Variants in BMPR1B observed in about 807,000 individuals in gnomAD.
BMPR1B encodes the protein bone morphogenetic protein receptor type 1B.
In BMPR1B, 12 loss-of-function variants were observed where a neutral mutation model predicts 59.1. The ratio of observed to expected loss-of-function variants is 0.20; its 90% CI spans 0.13 to 0.33. The LOEUF is 0.33. Ranked by LOEUF, BMPR1B falls within the 10% of genes least tolerant of loss-of-function variation. The pLI is 1.00. For missense variants in BMPR1B, 550 were observed against 610.9 expected (o/e 0.90, Z 1.05); for synonymous variants, 237 against 207.3 (o/e 1.14, Z -1.23).
intron 6 of BMPR1B, 140 bp downstream of exon 6, chr4:95,115,927 C>A: frequency 2.6e-6 from 2 of 758,292 alleles, no homozygotes; most frequent in South Asian, 1.5e-5. Context: ...TGACATGGAA[C>A]CATCATTCGA....
chr4:95,055,203 C>G, intron 3 of BMPR1B, among the ~76,000 whole-genome samples: 1 of 152,122 alleles, frequency 6.6e-6, no homozygotes, highest in Non-Finnish European at 1.5e-5. Context: ...CGTTGCCAGG[C>G]CATATTCCAT....
rs1214921500 is a variant in BMPR1B at position 95,125,094 on chromosome 4, A to G, written c.558A>G (p.Ser186=). The G allele has an allele frequency of 2.5e-6, 4 of 1,613,756 alleles. No individual in the cohort carries two copies. The highest frequency in any genetic ancestry group is 3.4e-6 in the Non-Finnish European group (4 of 1,179,836). The stretch of plus-strand genomic sequence containing the variant: ...ACTTAATTGAGCAGTCTCAGAGCTC[A>G]GGAAGTGGATCAGGCCTCCCTCTGC... The part of the protein sequence containing the change: ...LRDLIEQSQS[S]GSGSGLPLLV... The change falls in exon 8 of 13, where the codon TCA becomes TCG. Residue 186 remains serine, a synonymous_variant. Coordinates refer to ENST00000515059, the MANE Select transcript of BMPR1B (RefSeq NM_001203.3).
At chr4:94,957,650 ATCAT>A (rs1444895696) in intron 2 of BMPR1B, among the ~76,000 whole-genome samples, 2 of 151,956 alleles carry the variant, frequency 1.3e-5, no homozygotes, top group East Asian at 1.9e-4. Context: ...TGGTCTTGTG[ATCAT>A]TCATTTTTAT....
chr4:95,006,871 A>C (rs572879977), intron 3 of BMPR1B, among the ~76,000 whole-genome samples: 1 of 152,010 alleles, frequency 6.6e-6, no homozygotes, highest in African/African-American at 2.4e-5. Context: ...TTACAGTATA[A>C]TATATGACTC....
intron 3 of BMPR1B, among the ~76,000 whole-genome samples, chr4:95,041,993 A>G (rs1473248767): frequency 6.6e-6 from 1 of 152,022 alleles, no homozygotes; most frequent in Non-Finnish European, 1.5e-5. Context: ...AGTAGCTGGG[A>G]CCATAGGCGC....
At chr4:95,061,202 CACACACACCA>C (rs1360500503) in intron 3 of BMPR1B, among the ~76,000 whole-genome samples, 33 of 112,996 alleles carry the variant, frequency 2.9e-4, no homozygotes, top group Admixed American at 6.1e-4. Flanking sequence ...CACACACACA[CACACACACCA>C]CACACCCCTC....
chr4:94,804,554 A>G (rs936487674), intron 1 of BMPR1B, among the ~76,000 whole-genome samples: 2 of 148,100 alleles, frequency 1.4e-5, no homozygotes, highest in Admixed American at 1.3e-4. Context: ...TCAGACAGAT[A>G]TTTGAATAAC....
At chr4:94,831,285 GA>G (rs1724578717) in intron 1 of BMPR1B, among the ~76,000 whole-genome samples, 1 of 123,166 alleles carries the variant, frequency 8.1e-6, no homozygotes, top group Non-Finnish European at 1.8e-5. Flanking sequence ...AGGATATAAT[GA>G]AAAAATATTT....
intron 3 of BMPR1B, among the ~76,000 whole-genome samples, chr4:95,039,857 A>G (rs1253156801): frequency 6.6e-6 from 1 of 152,218 alleles, no homozygotes; most frequent in African/African-American, 2.4e-5. Flanking sequence ...CTGGAAAACC[A>G]AAAGATTGGA....
intron 2 of BMPR1B, among the ~76,000 whole-genome samples, chr4:94,935,246 A>G (rs13119758): frequency 0.14 from 20,993 of 152,176 alleles, 1,671 homozygotes; most frequent in South Asian, 0.19. Context: ...ATCTCTTTCT[A>G]TTAGCCTGTC....
At chr4:94,939,877 C>T (rs1729444078) in intron 2 of BMPR1B, among the ~76,000 whole-genome samples, 2 of 152,120 alleles carry the variant, frequency 1.3e-5, no homozygotes, top group South Asian at 4.1e-4. Context: ...TGAAGGAAGT[C>T]AAGACTCATT....
At chr4:94,861,099 T>TA (rs1464255053) in intron 1 of BMPR1B, among the ~76,000 whole-genome samples, 1 of 152,148 alleles carries the variant, frequency 6.6e-6, no homozygotes, top group Non-Finnish European at 1.5e-5. Context: ...TCTTGAGAGT[T>TA]ATAGTCTTGA....
At chr4:94,993,439 C>G (rs1721869185) in intron 2 of BMPR1B, among the ~76,000 whole-genome samples, 1 of 152,044 alleles carries the variant, frequency 6.6e-6, no homozygotes, top group Non-Finnish European at 1.5e-5. Flanking sequence ...ATTAAAAATT[C>G]AACTAATGCA....
Position 94,828,691 on chromosome 4 carries a change from C to T in BMPR1B, c.-182-47140C>T, listed in dbSNP as rs79683733. On this transcript the variant is annotated intron_variant, in intron 1 of 12. Transcript: ENST00000515059. ...ATCTATTAACAAGCACCCTTGGACT[C>T]TCATCCTCAAAGTGAGGTCCCAGCA... Among the ~76,000 whole-genome samples, 1,136 of 152,130 alleles carry T rather than the reference C, an allele frequency of 7.5e-3. 17 individuals are homozygous for T. The highest frequency in any genetic ancestry group is 0.026 in the African/African-American group (1,087 of 41,492).
intron 1 of BMPR1B, among the ~76,000 whole-genome samples, chr4:94,762,297 C>T (rs2110557013): frequency 6.6e-6 from 1 of 152,246 alleles, no homozygotes; most frequent in South Asian, 2.1e-4. Flanking sequence ...ATCAGCTATC[C>T]ACAAACACAT....
At chr4:95,006,212 A>G (rs1370075899) in intron 3 of BMPR1B, among the ~76,000 whole-genome samples, 2 of 151,840 alleles carry the variant, frequency 1.3e-5, no homozygotes, top group Non-Finnish European at 2.9e-5. Flanking sequence ...AGGAGGTTGC[A>G]GTGAGCTGAG....
At chr4:95,031,946 C>G (rs1167451134) in intron 3 of BMPR1B, among the ~76,000 whole-genome samples, 1 of 151,980 alleles carries the variant, frequency 6.6e-6, no homozygotes, top group Non-Finnish European at 1.5e-5. Context: ...TGGTAAAATA[C>G]TGTAACATAA....
chr4:94,812,201 G>A (rs1306622937), intron 1 of BMPR1B, among the ~76,000 whole-genome samples: 1 of 150,944 alleles, frequency 6.6e-6, no homozygotes, highest in Non-Finnish European at 1.5e-5. Flanking sequence ...AAGTCAGTTA[G>A]AGGAGAAGCT....
At chr4:94,952,684 GTGGT>G (rs1353988010) in intron 2 of BMPR1B, among the ~76,000 whole-genome samples, 2 of 152,162 alleles carry the variant, frequency 1.3e-5, no homozygotes, top group Non-Finnish European at 2.9e-5. Flanking sequence ...TTCCAATTAT[GTGGT>G]TGGTTTTAGA....
Sources: allele counts gnomAD v4.1 joint callset (sites outside exome capture counted in the v4.1 genomes callset), GRCh38; gene constraint gnomAD v4.1.1; transcripts MANE v1.5; gene names NCBI Gene and HGNC (gene_info 2026-07-23, HGNC 2026-07-21).